The following RIC1 variants were observed in gnomAD, a reference collection of about 807,000 sequenced individuals.
RIC1 encodes the protein guanine nucleotide exchange factor subunit RIC1.
A neutral mutation model predicts 169.0 loss-of-function variants in RIC1; 88 were observed. That is an observed-to-expected ratio of 0.52 (90% CI 0.44 to 0.62). The LOEUF is 0.62. Among genes scored for constraint, RIC1 ranks in the 20% least tolerant of loss-of-function variants. RIC1 has a pLI of 0.00. For missense variants in RIC1, 1,877 were observed against 1,725.5 expected (o/e 1.09, Z -1.56); for synonymous variants, 790 against 601.5 (o/e 1.31, Z -4.59).
rs1037648010 is a variant in RIC1, at chr9:5,656,687, A to G, written c.249A>G (p.Val83=). Residue 83 remains valine (V), a synonymous_variant, in exon 2 of 26, where the codon GTA becomes GTG. Transcript: ENST00000414202. ...EWRPDSTMIA[V]STANGYILFF... ...GGCCAGATAGTACCATGATAGCTGT[A>G]TCAGTAAGTAGATTTTACCGCTAAA... 12 of 1,557,220 alleles carry G rather than the reference A, an allele frequency of 7.7e-6. No homozygotes were observed. Among genetic ancestry groups the G allele is most frequent in the Non-Finnish European group, 1.1e-5 (12 of 1,135,704 alleles).
At chr9:5,705,771 GT>G (rs1432479257) in intron 3 of RIC1, among the ~76,000 whole-genome samples, 1 of 152,154 alleles carries the variant, frequency 6.6e-6, no homozygotes, top group Non-Finnish European at 1.5e-5. Flanking sequence ...GATGTTAGCT[GT>G]GCGCTTTATC....
At chr9:5,772,425 G>T (rs1827284645) in intron 23 of RIC1, 139 bp from the exon 24 acceptor site, 3 of 642,542 alleles carry the variant, frequency 4.7e-6, no homozygotes, top group African/African-American at 3.7e-5. Flanking sequence ...TGTTCACATG[G>T]TAATTTTAGC....
At position 5,629,402 on chromosome 9, in the gene RIC1, G is replaced by A. The variant is rs1817604847; in HGVS notation, c.93G>A (p.Arg31=). Residue 31 remains arginine, a synonymous_variant, in exon 1 of 26, where the codon AGG becomes AGA. Coordinates refer to ENST00000414202, the MANE Select transcript of RIC1 (RefSeq NM_020829.4). ...APFHVQSDPQ[R]AFFAVLAAAR... ...TCCACGTTCAGTCCGACCCGCAGAG[G>A]GCTTTCTTCGCCGTGCTGGCCGCGG... 3 of 1,533,986 alleles carry A rather than the reference G, an allele frequency of 2.0e-6. No individual in the cohort carries two copies. Among genetic ancestry groups the A allele is most frequent in the South Asian group, 2.4e-5 (2 of 83,730 alleles).
chr9:5,713,834 T>C, intron 3 of RIC1, 62 bp from the exon 4 acceptor site: 1 of 998,584 alleles, frequency 1.0e-6, no homozygotes. Context: ...ATTGTATGTG[T>C]ATTAGCCACA....
intron 2 of RIC1, among the ~76,000 whole-genome samples, chr9:5,671,831 A>G (rs1316093028): frequency 6.6e-6 from 1 of 152,144 alleles, no homozygotes; most frequent in African/African-American, 2.4e-5. Context: ...AGGCAGAGGG[A>G]AAGGTTTGCT....
intron 16 of RIC1, 108 bp from the exon 17 acceptor site, chr9:5,757,205 C>A: frequency 7.9e-7 from 1 of 1,273,664 alleles, no homozygotes; most frequent in Non-Finnish European, 1.1e-6. Context: ...GGTAGTAAGA[C>A]ATCTGAGTCT....
intron 2 of RIC1, among the ~76,000 whole-genome samples, chr9:5,676,481 C>T (rs940927527): frequency 8.5e-5 from 13 of 152,092 alleles, no homozygotes; most frequent in African/African-American, 2.9e-4. Flanking sequence ...AAGGTAGATA[C>T]TTTTATATTC....
rs145756301 is a variant in RIC1 at position 5,752,716 on chromosome 9, G to A, written c.1453-484G>A. Among the ~76,000 whole-genome samples the A allele has an allele frequency of 8.5e-3, 1,294 of 152,280 alleles. 14 individuals carry two copies. Among genetic ancestry groups the A allele is most frequent in the Middle Eastern group, 0.02 (6 of 294 alleles). ...CTCCCAAAGTGCTGGGATTACAGGCGTGAGCAACCACACCTGGCCTAAGCA... is the reference window on the plus strand; with the variant it reads ...CTCCCAAAGTGCTGGGATTACAGGCATGAGCAACCACACCTGGCCTAAGCA... On this transcript the variant is annotated intron_variant, in intron 12 of 25. Transcript: ENST00000414202.
intron 3 of RIC1, among the ~76,000 whole-genome samples, chr9:5,702,196 G>A (rs551554921): frequency 6.6e-5 from 10 of 152,304 alleles, no homozygotes; most frequent in African/African-American, 2.4e-4. Flanking sequence ...GCTTTGGGAG[G>A]CAGTTTAGAA....
intron 9 of RIC1, among the ~76,000 whole-genome samples, chr9:5,743,240 A>T (rs114060008): frequency 0.013 from 2,042 of 152,276 alleles, 56 homozygotes; most frequent in African/African-American, 0.047. Context: ...CCCCTGCTGT[A>T]TATATGACAG....
At chr9:5,648,992 A>G (rs1052262838) in intron 1 of RIC1, among the ~76,000 whole-genome samples, 9 of 152,168 alleles carry the variant, frequency 5.9e-5, no homozygotes, top group African/African-American at 9.7e-5. Context: ...TTCCTTTGCT[A>G]TGCACAAAAC....
intron 4 of RIC1, 34 bp downstream of exon 4, chr9:5,714,037 A>C: frequency 7.3e-7 from 1 of 1,366,092 alleles, no homozygotes; most frequent in Non-Finnish European, 1.0e-6. Flanking sequence ...ACATTGTGTG[A>C]TGACAGTAGA....
chr9:5,651,302 A>T (rs1251878687), intron 1 of RIC1, among the ~76,000 whole-genome samples: 1 of 151,134 alleles, frequency 6.6e-6, no homozygotes, highest in African/African-American at 2.4e-5. Context: ...TCTCTGCTAA[A>T]TTCCAGTGTT....
chr9:5,762,997 C>G (rs781701213), intron 18 of RIC1, 143 bp from the exon 19 acceptor site: 1 of 998,070 alleles, frequency 1.0e-6, no homozygotes, highest in South Asian at 1.8e-5. Context: ...CTTTTATTAA[C>G]TCTAATTCTA....
intron 3 of RIC1, among the ~76,000 whole-genome samples, chr9:5,710,047 G>T (rs978624508): frequency 6.6e-6 from 1 of 152,064 alleles, no homozygotes; most frequent in South Asian, 2.1e-4. Context: ...TAAACTAGAG[G>T]TATCTCCAAC....
chr9:5,632,392 C>G (rs936582386), intron 1 of RIC1, among the ~76,000 whole-genome samples: 16 of 152,158 alleles, frequency 1.1e-4, no homozygotes, highest in Non-Finnish European at 2.1e-4. Flanking sequence ...TTATGTACTA[C>G]TTATACCTAC....
chr9:5,708,048 T>A (rs1822699162), intron 3 of RIC1, among the ~76,000 whole-genome samples: 2 of 152,068 alleles, frequency 1.3e-5, no homozygotes, highest in African/African-American at 4.8e-5. Flanking sequence ...TCCTTTCTCA[T>A]TTCCTTTTTT....
chr9:5,720,097 T>G, intron 4 of RIC1, 85 bp from the exon 5 acceptor site: 65 of 999,746 alleles, frequency 6.5e-5, no homozygotes, highest in Non-Finnish European at 9.2e-5. Flanking sequence ...CATTTTTGCA[T>G]GAGTATTCTC....
At chr9:5,636,191 A>C (rs977016231) in intron 1 of RIC1, among the ~76,000 whole-genome samples, 2 of 152,224 alleles carry the variant, frequency 1.3e-5, no homozygotes, top group Admixed American at 6.5e-5. Flanking sequence ...CATGAACATA[A>C]GATATCCAGC....
Sources: gnomAD v4.1 joint callset for allele counts (sites outside exome capture counted in the v4.1 genomes callset) on GRCh38, gnomAD v4.1.1 for gene constraint, MANE v1.5 for transcripts, NCBI Gene and HGNC (gene_info 2026-07-23, HGNC 2026-07-21) for gene names.